The following STARD13 variants were observed in gnomAD, a reference collection of about 807,000 sequenced individuals.
STARD13 encodes StAR related lipid transfer domain containing 13.
A neutral mutation model predicts 106.4 loss-of-function variants in STARD13; 62 were observed. That is an observed-to-expected ratio of 0.58 (90% CI 0.48 to 0.72). The LOEUF (loss-of-function observed/expected upper bound fraction) is 0.72, where lower values mean the gene tolerates loss of function less well. Among genes scored for constraint, STARD13 ranks in the 30% least tolerant of loss-of-function variants. The pLI is 0.00. For synonymous variants in STARD13, 565 were observed against 553.0 expected, an observed-to-expected ratio of 1.02 and a Z score of -0.31; for missense variants, 1,387 against 1,424.0, an observed-to-expected ratio of 0.97 and a Z score of 0.42.
chr13:33,387,058 T>C, the STARD13 span, among the ~76,000 whole-genome samples: 1 of 152,168 alleles, frequency 6.6e-6, no homozygotes, highest in Non-Finnish European at 1.5e-5. Context: ...CAGGATGAAG[T>C]GCAGTAGTGC....
chr13:33,667,041 T>C, the STARD13 span, among the ~76,000 whole-genome samples: 1 of 152,260 alleles, frequency 6.6e-6, no homozygotes, highest in Non-Finnish European at 1.5e-5. Flanking sequence ...AAACATCATG[T>C]AGACTGAATA....
intron 1 of STARD13, chr13:33,276,552 A>G (rs1891444478): frequency 6.6e-6 from 1 of 152,176 alleles, no homozygotes; most frequent in South Asian, 2.1e-4. Context: ...ATGACTATAC[A>G]TACTTTTTGT....
intron 1 of STARD13, among the ~76,000 whole-genome samples, chr13:33,311,626 T>C (rs1307867974): frequency 1.3e-5 from 2 of 152,266 alleles, no homozygotes; most frequent in Non-Finnish European, 2.9e-5. Flanking sequence ...ATTTTAGTTG[T>C]AATCTTATTT....
intron 1 of STARD13, among the ~76,000 whole-genome samples, chr13:33,322,254 T>A (rs1893588858): frequency 6.6e-6 from 1 of 152,218 alleles, no homozygotes; most frequent in Admixed American, 6.5e-5. Flanking sequence ...ATGGCTTGGA[T>A]GTCCTCAGAA....
chr13:33,126,065 G>T lies in STARD13; in HGVS notation c.2082+16C>A. ...TTGGGGGTGGTGGGGCAGCAGCGGG[G>T]GGGTTACAGCCCTACCTGATCGAGG... is the stretch of plus-strand genomic sequence containing the variant. On this transcript the variant is annotated intron_variant, in intron 7 of 13. Transcript: ENST00000336934. The T allele has an allele frequency of 6.2e-7, 1 of 1,612,052 alleles. No individual in the cohort carries two copies. The highest frequency in any genetic ancestry group is 8.5e-7 in the Non-Finnish European group (1 of 1,178,972).
chr13:33,336,146 T>G (rs925592819), intron 1 of STARD13: 7 of 152,134 alleles, frequency 4.6e-5, no homozygotes, highest in Non-Finnish European at 1.0e-4. Context: ...AATCATTATA[T>G]TCAAGTATGG....
At position 33,118,155 on chromosome 13, in the gene STARD13, C is replaced by T. The variant is rs950168530; in HGVS notation, c.2191G>A (p.Val731Met). 1 of 1,614,216 alleles carries T rather than the reference C, an allele frequency of 6.2e-7. No homozygotes were observed. The highest frequency in any genetic ancestry group is 2.2e-5 in the East Asian group (1 of 44,892). ...AAGAACTGTTTCACCATATCCGCCA[C>T]ATCATAAGCAGACTGGTCTTCATAG... Reference protein sequence around the residue: ...VNYEDQSAYDVADMVKQFFRD... With the variant: ...VNYEDQSAYDMADMVKQFFRD... Residue 731 changes from valine (V) to methionine (M), a missense_variant, in exon 8 of 14, where the codon GTG becomes ATG. Val to Met is a conservative substitution (Grantham distance 21). Coordinates refer to ENST00000336934, the MANE Select transcript of STARD13 (RefSeq NM_178006.4).
Position 33,123,668 on chromosome 13 carries a change from A to G in STARD13, c.2082+2413T>C, listed in dbSNP as rs547613795. ...AAACTTCCTCATCTCACCCACAGCCAGCTGCAAGGGCAAACATGGACACTC... is the reference window on the plus strand; with the variant it reads ...AAACTTCCTCATCTCACCCACAGCCGGCTGCAAGGGCAAACATGGACACTC... On this transcript the variant is annotated intron_variant, in intron 7 of 13. Coordinates refer to ENST00000336934, the MANE Select transcript of STARD13 (RefSeq NM_178006.4). 3.3e-5 allele frequency among the ~76,000 whole-genome samples: 5 copies of G among 152,390 alleles called. No individual in the cohort carries two copies. The South Asian group carries it at 1.0e-3, about 32-fold the overall frequency.
the STARD13 span, among the ~76,000 whole-genome samples, chr13:33,614,270 C>CGTGTGTGTGTGTGT: frequency 0.35 from 51,162 of 144,980 alleles, 9,231 homozygotes; most frequent in Middle Eastern, 0.49. Context: ...ATACATTCTC[C>CGTGTGTGTGTGTGT]GTGTGTGTGT....
intron 4 of STARD13, among the ~76,000 whole-genome samples, chr13:33,132,398 A>AC (rs1204530159): frequency 5.3e-5 from 8 of 151,566 alleles, no homozygotes; most frequent in Non-Finnish European, 8.8e-5. Context: ...ATAAGGGGAA[A>AC]CCCCTTTTGC....
the STARD13 span, among the ~76,000 whole-genome samples, chr13:33,564,768 C>T: frequency 2.2e-4 from 32 of 142,358 alleles, 4 homozygotes; most frequent in East Asian, 6.3e-3. Context: ...CTGAGGTGGG[C>T]GGATCATGAG....
the STARD13 span, among the ~76,000 whole-genome samples, chr13:33,543,807 T>G: frequency 1.3e-5 from 2 of 152,228 alleles, no homozygotes; most frequent in East Asian, 3.9e-4. Context: ...CTGTTGGTAC[T>G]AGGACCACAC....
intron 1 of STARD13, among the ~76,000 whole-genome samples, chr13:33,315,689 C>T (rs1267906160): frequency 6.6e-6 from 1 of 152,062 alleles, no homozygotes; most frequent in Admixed American, 6.6e-5. Flanking sequence ...TCAAGAGTAA[C>T]ACTAGAGTTT....
At chr13:33,165,944 C>T (rs1883263025) in intron 2 of STARD13, among the ~76,000 whole-genome samples, 1 of 152,136 alleles carries the variant, frequency 6.6e-6, no homozygotes, top group African/African-American at 2.4e-5. Context: ...ATAATTCGAA[C>T]ACTACTTCCC....
chr13:33,163,604 A>T (rs1882906070), intron 3 of STARD13, among the ~76,000 whole-genome samples: 1 of 74,494 alleles, frequency 1.3e-5, no homozygotes. Context: ...AAAAAAAAAA[A>T]AATATATATA....
At chr13:33,518,444 G>C in the STARD13 span, among the ~76,000 whole-genome samples, 1 of 151,990 alleles carries the variant, frequency 6.6e-6, no homozygotes, top group African/African-American at 2.4e-5. Flanking sequence ...GATAACATTC[G>C]TGCAGCTCAA....
At chr13:33,306,118 C>T (rs1892895023) in intron 1 of STARD13, among the ~76,000 whole-genome samples, 1 of 152,026 alleles carries the variant, frequency 6.6e-6, no homozygotes, top group Non-Finnish European at 1.5e-5. Context: ...GGTACTGGTA[C>T]AAAAACAGAT....
rs1293732476 is a variant in STARD13 at position 33,299,445 on chromosome 13, C to T, written c.124+50845G>A. Reference sequence around the variant, plus strand: ...CTCAGAAGTGCTATTTCCACTAATGCACCTCAAATTCAAATTTTAAAAGGA... The same window carrying T: ...CTCAGAAGTGCTATTTCCACTAATGTACCTCAAATTCAAATTTTAAAAGGA... On this transcript the variant is annotated intron_variant, in intron 1 of 5. Coordinates refer to the STARD13 transcript ENST00000567873. Among the ~76,000 whole-genome samples, 3 of 152,186 alleles carry T rather than the reference C, an allele frequency of 2.0e-5. No homozygotes were observed. In the East Asian group the frequency reaches 5.8e-4, roughly 29 times the overall value.
intron 1 of STARD13, among the ~76,000 whole-genome samples, chr13:33,226,547 G>A (rs909687011): frequency 6.7e-6 from 1 of 150,362 alleles, no homozygotes; most frequent in African/African-American, 2.5e-5. Context: ...TGATTCTGCT[G>A]CCTTGGCCTC....
Sources: allele counts gnomAD v4.1 joint callset (sites outside exome capture counted in the v4.1 genomes callset), GRCh38; gene constraint gnomAD v4.1.1; transcripts MANE v1.5; gene names NCBI Gene and HGNC (gene_info 2026-07-23, HGNC 2026-07-21).